Variants in OXTR observed in about 807,000 individuals in gnomAD.
OXTR encodes the protein oxytocin receptor.
OXTR carries 19 observed loss-of-function variants against 23.9 expected under a neutral mutation model. The ratio of observed to expected loss-of-function variants is 0.80; its 90% CI spans 0.56 to 1.17. OXTR has a LOEUF of 1.17. Ranked by LOEUF, OXTR falls within the 50% of genes most tolerant of loss-of-function variation. The probability of loss-of-function intolerance (pLI) is 0.00; values close to 1 mark genes in which losing one functional copy is unlikely to be tolerated. For missense variants in OXTR, 500 were observed against 550.7 expected, an observed-to-expected ratio of 0.91 and a Z score of 0.92; for synonymous variants, 278 against 250.5, an observed-to-expected ratio of 1.11 and a Z score of -1.04.
chr3:8,745,394 T>C (rs1289630713), downstream of OXTR: 2 of 703,674 alleles, frequency 2.8e-6, no homozygotes, highest in Non-Finnish European at 5.1e-6. The surrounding 1 kb of genome is among the most constrained non-coding windows in gnomAD (Gnocchi z 4.8). Context: ...AAGAATAGCC[T>C]AATACAGGTA....
chr3:8,768,392 G>T lies in OXTR; in HGVS notation c.-142-63C>A. 1 of 815,974 alleles carries T rather than the reference G, an allele frequency of 1.2e-6. No individual in the cohort carries two copies. Among genetic ancestry groups the T allele is most frequent in the Non-Finnish European group, 1.6e-6 (1 of 617,640 alleles). The allele number at this position is 815,974 out of a possible 1,614,324, so 50.5% of individuals were successfully genotyped here. ...GTTTCTCTTCCGACGCGGGTAGGGCGTGCTTGTCCCATTCCCAGGAACCCA... is the reference window on the plus strand; with the variant it reads ...GTTTCTCTTCCGACGCGGGTAGGGCTTGCTTGTCCCATTCCCAGGAACCCA... On this transcript the variant is annotated intron_variant, in intron 2 of 3. Transcript: ENST00000316793. The surrounding 1 kb of genome is among the most constrained non-coding windows in gnomAD (Gnocchi z 5.4).
chr3:8,742,280 A>G, the OXTR span, among the ~76,000 whole-genome samples: 2 of 151,842 alleles, frequency 1.3e-5, no homozygotes, highest in Non-Finnish European at 2.9e-5. Flanking sequence ...CAGAAAATAG[A>G]GCACTTGCCC....
chr3:8,747,763 C>T (rs1708195393), downstream of OXTR, among the ~76,000 whole-genome samples: 1 of 152,218 alleles, frequency 6.6e-6, no homozygotes, highest in Non-Finnish European at 1.5e-5. Flanking sequence ...CCTCAAAGGG[C>T]CTGCCCTTTC....
At chr3:8,762,849 G>A (rs748684387) in intron 3 of OXTR, among the ~76,000 whole-genome samples, 1 of 152,210 alleles carries the variant, frequency 6.6e-6, no homozygotes, top group African/African-American at 2.4e-5. Context: ...TTTCCAGGTT[G>A]CCAGTTCTGT....
the OXTR span, chr3:8,742,580 T>C: frequency 2.2e-6 from 1 of 451,678 alleles, no homozygotes; most frequent in Non-Finnish European, 4.4e-6. Context: ...CTCAGATGTA[T>C]TTTCGAGGAA....
chr3:8,745,786 C>G, downstream of OXTR: 1 of 1,614,066 alleles, frequency 6.2e-7, no homozygotes, highest in South Asian at 1.1e-5. This position sits in a 1 kb window ranked among gnomAD's most constrained non-coding sequence, Gnocchi z 4.8. Context: ...CACTCTGCAT[C>G]CGCACCTTCT....
rs373791029 is a variant in OXTR at position 8,762,823 on chromosome 3, T to C, written c.922+4443A>G. 5.9e-5 allele frequency among the ~76,000 whole-genome samples: 9 copies of C among 152,358 alleles called. 1 individual carries two copies. In the South Asian group the frequency reaches 1.9e-3, roughly 32 times the overall value. ...GACAGATGTTTGGTTGCCCCAGTGA[T>C]GGGGCGCTCCTTTCTTTTCCAGGTT... On this transcript the variant is annotated intron_variant, in intron 3 of 3. Transcript: ENST00000316793.
chr3:8,753,802 A>G (rs1009535514), intron 3 of OXTR, among the ~76,000 whole-genome samples: 1 of 126,052 alleles, frequency 7.9e-6, no homozygotes, highest in Non-Finnish European at 1.7e-5. Flanking sequence ...TATCACGACC[A>G]TGTGCCGGGC....
At chr3:8,749,427 C>T (rs573963556), downstream of OXTR, among the ~76,000 whole-genome samples, 2 of 152,090 alleles carry the variant, frequency 1.3e-5, no homozygotes, top group Admixed American at 1.3e-4. Context: ...TCCCTTTGAT[C>T]CCCAGTGGCC....
rs746590286 is a variant in OXTR, at chr3:8,753,233, G to A, written c.923-9C>T. ...GATGATGAAGGCCGAGGCTGAGGGGGTGGGGGCAGGAGAAAGGAGAAAAGG... is the reference window on the plus strand; with the variant it reads ...GATGATGAAGGCCGAGGCTGAGGGGATGGGGGCAGGAGAAAGGAGAAAAGG... On this transcript the variant is annotated splice_polypyrimidine_tract_variant and intron_variant, in intron 3 of 3. Transcript: ENST00000316793. 40 of 1,613,862 alleles carry A rather than the reference G, an allele frequency of 2.5e-5. No individual in the cohort carries two copies. The highest frequency in any genetic ancestry group is 3.4e-5 in the Non-Finnish European group (40 of 1,179,878).
intron 3 of OXTR, among the ~76,000 whole-genome samples, chr3:8,757,305 T>C (rs1341555338): frequency 3.4e-5 from 5 of 148,584 alleles, no homozygotes; most frequent in East Asian, 3.9e-4. Flanking sequence ...AGTATTAATA[T>C]TAATATTAAT....
downstream of OXTR, among the ~76,000 whole-genome samples, chr3:8,749,838 G>A (rs893838716): frequency 6.6e-6 from 1 of 152,182 alleles, no homozygotes; most frequent in African/African-American, 2.4e-5. Context: ...GTGTATGCGC[G>A]TGTGTGTGGC....
downstream of OXTR, chr3:8,746,678 C>G (rs10882): frequency 0.38 from 51,906 of 134,996 alleles, 9,203 homozygotes; most frequent in African/African-American, 0.43. Flanking sequence ...GGTACCTTCG[C>G]CCTCAGGAGA....
At chr3:8,743,652 G>GT in the OXTR span, among the ~76,000 whole-genome samples, 1 of 152,172 alleles carries the variant, frequency 6.6e-6, no homozygotes, top group Non-Finnish European at 1.5e-5. Context: ...ACCACCCCGA[G>GT]TGAGGCCTCA....
chr3:8,751,739 C>T lies in OXTR; in HGVS notation c.*1238G>A, dbSNP rs201853484. On this transcript the variant is annotated 3_prime_UTR_variant, in exon 4 of 4. Transcript: ENST00000316793. ...CTTTATTCTGCTCCGTATGTCTATCCTTAAACCAGTAACACACTGAGCTGA... is the reference window on the plus strand; with the variant it reads ...CTTTATTCTGCTCCGTATGTCTATCTTTAAACCAGTAACACACTGAGCTGA... 3 of 152,130 alleles carry T rather than the reference C, an allele frequency of 2.0e-5. No individual in the cohort carries two copies. Among genetic ancestry groups the T allele is most frequent in the Admixed American group, 6.5e-5 (1 of 15,284 alleles). The allele number at this position is 152,130 out of a possible 1,614,324, so 9.4% of individuals were successfully genotyped here. A position where few individuals can be genotyped will look rare whatever the true frequency, so the allele number is the denominator to read the frequency against.
downstream of OXTR, among the ~76,000 whole-genome samples, chr3:8,750,074 T>C (rs1404479070): frequency 6.6e-6 from 1 of 152,224 alleles, no homozygotes; most frequent in Non-Finnish European, 1.5e-5. Flanking sequence ...GACGTGGTCA[T>C]GTCCTAACCT....
At chr3:8,754,310 CT>C (rs1438739052) in intron 3 of OXTR, among the ~76,000 whole-genome samples, 12 of 152,176 alleles carry the variant, frequency 7.9e-5, no homozygotes, top group African/African-American at 2.9e-4. Flanking sequence ...AAAAATCTGC[CT>C]TCTTTCAATG....
intron 3 of OXTR, among the ~76,000 whole-genome samples, chr3:8,755,907 C>T (rs1198966212): frequency 6.6e-6 from 1 of 152,148 alleles, no homozygotes; most frequent in East Asian, 1.9e-4. Flanking sequence ...TGAGAACAGC[C>T]AAGATCACTC....
chr3:8,744,297 G>C, the OXTR span, among the ~76,000 whole-genome samples: 1 of 38,556 alleles, frequency 2.6e-5, no homozygotes, highest in East Asian at 6.1e-4. Flanking sequence ...TTTTTTTTTT[G>C]AGATGGAGTC....
Sources: allele counts gnomAD v4.1 joint callset (sites outside exome capture counted in the v4.1 genomes callset), GRCh38; gene constraint gnomAD v4.1.1; non-coding constraint Gnocchi (gnomAD v3.1); transcripts MANE v1.5; gene names NCBI Gene and HGNC (gene_info 2026-07-23, HGNC 2026-07-21).